GNG4: variants seen among roughly 807,000 people sequenced by gnomAD.
GNG4 encodes guanine nucleotide-binding protein G(I)/G(S)/G(O) subunit gamma-4.
Under a neutral mutation model 5.8 loss-of-function variants are expected in GNG4, and 4 were observed. That is an observed-to-expected ratio of 0.69 (90% CI 0.34 to 1.57). The LOEUF is 1.57. GNG4 is among the 40% of genes most tolerant of loss of function. The pLI, the probability that GNG4 is intolerant of heterozygous loss-of-function variation, is 0.06. For synonymous variants in GNG4, 29 were observed against 32.9 expected (o/e 0.88, Z 0.41); for missense variants, 96 against 95.1 (o/e 1.01, Z -0.04).
intron 1 of GNG4, among the ~76,000 whole-genome samples, chr1:235,629,732 G>GACTA (rs1220113205): frequency 6.6e-6 from 1 of 151,952 alleles, no homozygotes; most frequent in Non-Finnish European, 1.5e-5. Context: ...GAGTAGCTGG[G>GACTA]ACTAGCATGC....
chr1:235,551,661 C>T lies in GNG4; in HGVS notation c.*448G>A, dbSNP rs540246541. The T allele has an allele frequency of 6.5e-6, 1 of 152,986 alleles. No individual in the cohort carries two copies. The highest frequency in any genetic ancestry group is 6.5e-5 in the Admixed American group (1 of 15,368). The allele number at this position is 152,986 out of a possible 1,614,324, so 9.5% of individuals were successfully genotyped here. ...TACAGAACCTCTGCAGCTGCTTTCTCCAGGAAAGGAGATGAAAACGTTATA... is the reference window on the plus strand; with the variant it reads ...TACAGAACCTCTGCAGCTGCTTTCTTCAGGAAAGGAGATGAAAACGTTATA... On this transcript the variant is annotated 3_prime_UTR_variant, in exon 4 of 4. Transcript: ENST00000391854.
intron 3 of GNG4, among the ~76,000 whole-genome samples, chr1:235,562,051 T>TGTTGAAAAGAC (rs1228879245): frequency 6.6e-6 from 1 of 152,256 alleles, no homozygotes; most frequent in East Asian, 1.9e-4. Flanking sequence ...TTACAGTATT[T>TGTTGAAAAGAC]GTTGAAAAGA....
At chr1:235,604,954 T>G (rs1198436738) in intron 1 of GNG4, among the ~76,000 whole-genome samples, 1 of 152,144 alleles carries the variant, frequency 6.6e-6, no homozygotes, top group Non-Finnish European at 1.5e-5. Flanking sequence ...CTCAGGGTGA[T>G]GGGAGCATGA....
At chr1:235,592,949 T>A (rs1185735191) in intron 2 of GNG4, among the ~76,000 whole-genome samples, 1 of 5,246 alleles carries the variant, frequency 1.9e-4, no homozygotes, top group African/African-American at 5.1e-4. Flanking sequence ...TCTGTAACAT[T>A]TTTTTTTTTT....
intron 1 of GNG4, chr1:235,615,381 G>C (rs1222160766): frequency 5.2e-5 from 8 of 153,440 alleles, no homozygotes. Context: ...TCAATGCTGG[G>C]ATGACCATCT....
At position 235,587,611 on chromosome 1, in the gene GNG4, TG is replaced by T. The variant is rs1187147647; in HGVS notation, c.-10-3764del. Among the ~76,000 whole-genome samples, 12 of 57,538 alleles carry T rather than the reference TG, an allele frequency of 2.1e-4. 4 individuals carry two copies. The highest frequency in any genetic ancestry group is 1.2e-3 in the East Asian group (2 of 1,620). The allele number at this position is 57,538 out of a possible 152,430, so 37.7% of individuals were successfully genotyped here. ...AGTGTGAGTGTGGGAGGGCATGGGG[TG>T]GGGTGTGTGAATGTGGGGTGGAGTG... On this transcript the variant is annotated intron_variant, in intron 2 of 3. Coordinates refer to ENST00000391854, the MANE Select transcript of GNG4 (RefSeq NM_001098722.2).
intron 1 of GNG4, among the ~76,000 whole-genome samples, chr1:235,647,849 C>T (rs541589422): frequency 8.5e-5 from 13 of 152,222 alleles, no homozygotes; most frequent in African/African-American, 3.1e-4. Flanking sequence ...TTGGCCAGGC[C>T]GGTATCGGAC....
intron 1 of GNG4, among the ~76,000 whole-genome samples, chr1:235,596,128 C>T (rs1283867101): frequency 2.6e-5 from 4 of 151,828 alleles, no homozygotes; most frequent in Non-Finnish European, 5.9e-5. Flanking sequence ...GAGCCAAGAT[C>T]GCTCCACTGC....
rs912760053 is a variant in GNG4 at position 235,548,301 on chromosome 1, C to G, written c.*3808G>C. ...GCTGGCTCAAAGAATTGACAGAAAACTAGAAGGGAGGTCTGTAGGAAGATA... is the reference window on the plus strand; with the variant it reads ...GCTGGCTCAAAGAATTGACAGAAAAGTAGAAGGGAGGTCTGTAGGAAGATA... On this transcript the variant is annotated 3_prime_UTR_variant, in exon 4 of 4. Coordinates refer to ENST00000391854, the MANE Select transcript of GNG4 (RefSeq NM_001098722.2). 9 of 152,108 alleles carry G rather than the reference C, an allele frequency of 5.9e-5. No individual in the cohort carries two copies. Among genetic ancestry groups the G allele is most frequent in the Non-Finnish European group, 1.3e-4 (9 of 68,024 alleles). The allele number at this position is 152,108 out of a possible 1,614,324, so 9.4% of individuals were successfully genotyped here.
At chr1:235,607,144 A>G (rs77795772) in intron 1 of GNG4, among the ~76,000 whole-genome samples, 1 of 151,556 alleles carries the variant, frequency 6.6e-6, no homozygotes, top group East Asian at 1.9e-4. Flanking sequence ...ATGGGGTTTC[A>G]CTATGTTGGC....
intron 2 of GNG4, among the ~76,000 whole-genome samples, chr1:235,587,582 G>A (rs978192634): frequency 5.6e-5 from 1 of 17,880 alleles, no homozygotes; most frequent in Non-Finnish European, 1.1e-4. Context: ...GTGGGGTGGC[G>A]GTGAGTGTGA....
intron 3 of GNG4, among the ~76,000 whole-genome samples, chr1:235,580,350 A>G (rs1216452151): frequency 6.6e-6 from 1 of 152,214 alleles, no homozygotes; most frequent in Non-Finnish European, 1.5e-5. Flanking sequence ...TGATGGTTGC[A>G]CAATATTGTG....
chr1:235,639,539 C>T (rs112718250), intron 1 of GNG4, among the ~76,000 whole-genome samples: 1 of 132,484 alleles, frequency 7.5e-6, no homozygotes, highest in Non-Finnish European at 1.7e-5. Context: ...TTCTTAATTC[C>T]GTGTTGTATG....
At chr1:235,573,450 T>C (rs1687395068) in intron 3 of GNG4, among the ~76,000 whole-genome samples, 1 of 151,636 alleles carries the variant, frequency 6.6e-6, no homozygotes, top group Non-Finnish European at 1.5e-5. Flanking sequence ...GTTGTGTACA[T>C]GTACCCTAGA....
intron 3 of GNG4, 70 bp from the exon 4 acceptor site, chr1:235,552,307 C>T: frequency 7.0e-7 from 1 of 1,423,518 alleles, no homozygotes; most frequent in African/African-American, 1.4e-5. Flanking sequence ...GAAGAGGTGT[C>T]CACGTACAGA....
intron 2 of GNG4, among the ~76,000 whole-genome samples, chr1:235,584,921 ATTAAT>A (rs1687723635): frequency 6.6e-6 from 1 of 152,184 alleles, no homozygotes. Flanking sequence ...ACTTTATTGT[ATTAAT>A]TTAATTGAGT....
chr1:235,596,202 A>AACAC, intron 1 of GNG4, among the ~76,000 whole-genome samples: 2 of 118,630 alleles, frequency 1.7e-5, no homozygotes, highest in African/African-American at 3.3e-5. Flanking sequence ...AAAACAAACA[A>AACAC]ACAAAATACA....
chr1:235,628,423 G>GGA (rs1688864834), intron 1 of GNG4, among the ~76,000 whole-genome samples: 1 of 151,784 alleles, frequency 6.6e-6, no homozygotes, highest in African/African-American at 2.4e-5. Flanking sequence ...AGACGGGGGG[G>GGA]GGTTACAAGA....
intron 3 of GNG4, among the ~76,000 whole-genome samples, chr1:235,568,697 G>T (rs759608637): frequency 2.6e-5 from 4 of 151,982 alleles, no homozygotes; most frequent in Non-Finnish European, 4.4e-5. Context: ...CTCCTTTGTG[G>T]GTGAGGCACT....
Sources: allele counts gnomAD v4.1 joint callset (sites outside exome capture counted in the v4.1 genomes callset), GRCh38; gene constraint gnomAD v4.1.1; transcripts MANE v1.5; gene names NCBI Gene and HGNC (gene_info 2026-07-23, HGNC 2026-07-21).